The following DPP10 variants were observed in gnomAD, a reference collection of about 807,000 sequenced individuals.
DPP10 encodes inactive dipeptidyl peptidase 10.
A neutral mutation model predicts 120.9 loss-of-function variants in DPP10; 33 were observed. The ratio of observed to expected loss-of-function variants is 0.27; its 90% confidence interval spans 0.21 to 0.37. The LOEUF is 0.37. Among genes scored for constraint, DPP10 ranks in the 10% least tolerant of loss-of-function variants. DPP10 has a pLI of 1.00. For missense variants in DPP10, 816 were observed against 942.8 expected, an observed-to-expected ratio of 0.87 and a Z score of 1.76; for synonymous variants, 337 against 326.1, an observed-to-expected ratio of 1.03 and a Z score of -0.36.
intron 1 of DPP10, among the ~76,000 whole-genome samples, chr2:114,742,483 C>A (rs1250328857): frequency 6.6e-6 from 1 of 152,148 alleles, no homozygotes; most frequent in Non-Finnish European, 1.5e-5. Flanking sequence ...CAATTAATAG[C>A]TGCTTTTTTT....
At chr2:115,337,859 A>G in intron 2 of DPP10, among the ~76,000 whole-genome samples, 1 of 151,926 alleles carries the variant, frequency 6.6e-6, no homozygotes, top group East Asian at 1.9e-4. Flanking sequence ...GAAGAAGAAA[A>G]AAACAAAGAA....
chr2:115,006,848 C>A (rs1407976063), intron 1 of DPP10, among the ~76,000 whole-genome samples: 1 of 151,742 alleles, frequency 6.6e-6, no homozygotes, highest in Non-Finnish European at 1.5e-5. Flanking sequence ...GAATTGAACT[C>A]AGCTCTGCAC....
At chr2:115,798,691 C>T (rs1249007973) in intron 19 of DPP10, among the ~76,000 whole-genome samples, 1 of 152,052 alleles carries the variant, frequency 6.6e-6, no homozygotes, top group East Asian at 1.9e-4. Flanking sequence ...TGGGAAGAAA[C>T]TAATAATTAT....
At chr2:114,825,897 T>C (rs550434987) in intron 1 of DPP10, among the ~76,000 whole-genome samples, 1 of 152,310 alleles carries the variant, frequency 6.6e-6, no homozygotes, top group African/African-American at 2.4e-5. Context: ...AGATGATTAA[T>C]GGTGTAACGA....
intron 1 of DPP10, among the ~76,000 whole-genome samples, chr2:115,057,416 T>C (rs575676102): frequency 6.6e-5 from 10 of 152,324 alleles, no homozygotes; most frequent in African/African-American, 2.2e-4. Context: ...TTGTGTTTCT[T>C]GCTTTGTGAA....
intron 1 of DPP10, among the ~76,000 whole-genome samples, chr2:114,761,892 A>G (rs1050161633): frequency 6.6e-6 from 1 of 152,144 alleles, no homozygotes. Flanking sequence ...TTTTCATTTT[A>G]CCTAATGTAA....
intron 3 of DPP10, among the ~76,000 whole-genome samples, chr2:115,364,588 G>T (rs563353252): frequency 1.3e-5 from 2 of 148,492 alleles, no homozygotes; most frequent in East Asian, 2.0e-4. Context: ...ACATCAGTCA[G>T]TTCTTCTGTA....
At chr2:114,760,029 T>G (rs1680138123) in intron 1 of DPP10, among the ~76,000 whole-genome samples, 2 of 152,252 alleles carry the variant, frequency 1.3e-5, no homozygotes, top group African/African-American at 4.8e-5. Context: ...TCTCACCACC[T>G]GCACCATTAC....
intron 21 of DPP10, among the ~76,000 whole-genome samples, chr2:115,826,895 G>A (rs968992178): frequency 6.6e-6 from 1 of 152,086 alleles, no homozygotes; most frequent in Admixed American, 6.5e-5. Flanking sequence ...GCTGCAAAGA[G>A]TTGGGTCTTG....
At position 115,130,096 on chromosome 2, in the gene DPP10, C is replaced by A. The variant is rs532121165; in HGVS notation, c.61-179143C>A. Among the ~76,000 whole-genome samples, 9 of 152,310 alleles carry A rather than the reference C, an allele frequency of 5.9e-5. No homozygotes were observed. The East Asian group carries it at 1.7e-3, about 29-fold the overall frequency. On this transcript the variant is annotated intron_variant, in intron 1 of 25. Coordinates refer to ENST00000410059, the MANE Select transcript of DPP10 (RefSeq NM_020868.6). ...AATCAAAACCCTCCTATCCATATATCTCTACTATCACTCCAAAAATAAAAG... is the reference window on the plus strand; with the variant it reads ...AATCAAAACCCTCCTATCCATATATATCTACTATCACTCCAAAAATAAAAG...
At chr2:114,815,767 T>A (rs1255819601) in intron 1 of DPP10, among the ~76,000 whole-genome samples, 2 of 152,034 alleles carry the variant, frequency 1.3e-5, no homozygotes, top group Admixed American at 1.3e-4. Flanking sequence ...AACTGTCAAT[T>A]GGGAGTCAAA....
At chr2:115,507,380 A>G (rs2077003863) in intron 4 of DPP10, among the ~76,000 whole-genome samples, 1 of 152,212 alleles carries the variant, frequency 6.6e-6, no homozygotes, top group African/African-American at 2.4e-5. Flanking sequence ...ATAAATGAGT[A>G]ATTCATTGAA....
chr2:114,722,407 A>G (rs537213915), intron 1 of DPP10, among the ~76,000 whole-genome samples: 2 of 152,254 alleles, frequency 1.3e-5, no homozygotes, highest in South Asian at 4.1e-4. Context: ...TTTAAAGAGG[A>G]GTTCTAGAGA....
At position 115,384,372 on chromosome 2, in the gene DPP10, T is replaced by G. The variant is rs1402563371; in HGVS notation, c.271+40460T>G. On this transcript the variant is annotated intron_variant, in intron 3 of 25. Coordinates refer to ENST00000410059, the MANE Select transcript of DPP10 (RefSeq NM_020868.6). ...CTAGATAACAGAGCAAGATCCTGTC[T>G]CAGAAAAGCAGAAGCAGAAGCAGAA... 4.1e-5 allele frequency among the ~76,000 whole-genome samples: 6 copies of G among 145,924 alleles called. No homozygotes were observed. In the Admixed American group the frequency reaches 4.2e-4, roughly 10 times the overall value.
At chr2:115,794,946 A>G (rs1052060646) in intron 19 of DPP10, among the ~76,000 whole-genome samples, 6 of 152,136 alleles carry the variant, frequency 3.9e-5, no homozygotes, top group Non-Finnish European at 7.4e-5. Context: ...ATGGGGAGAT[A>G]ACAAGATTGC....
At chr2:115,322,412 G>T (rs2062105375) in intron 2 of DPP10, among the ~76,000 whole-genome samples, 1 of 152,014 alleles carries the variant, frequency 6.6e-6, no homozygotes, top group Admixed American at 6.6e-5. Context: ...GCTATGGTGG[G>T]GTGTGGAGGC....
chr2:115,479,510 A>G (rs761240005), intron 3 of DPP10, among the ~76,000 whole-genome samples: 7 of 152,134 alleles, frequency 4.6e-5, no homozygotes, highest in Non-Finnish European at 1.0e-4. Flanking sequence ...AACAATATGA[A>G]TGTACTTAAT....
intron 4 of DPP10, among the ~76,000 whole-genome samples, chr2:115,517,541 C>G (rs1335494874): frequency 6.6e-6 from 1 of 152,078 alleles, no homozygotes; most frequent in Non-Finnish European, 1.5e-5. Context: ...TGCATTTAAC[C>G]TGTAGTCCAG....
intron 5 of DPP10, among the ~76,000 whole-genome samples, chr2:115,578,352 A>G (rs766796565): frequency 5.9e-5 from 9 of 152,304 alleles, no homozygotes; most frequent in Non-Finnish European, 1.3e-4. Flanking sequence ...GGGAAAACAC[A>G]CAAACGTACA....
Sources: gnomAD v4.1 joint callset for allele counts (sites outside exome capture counted in the v4.1 genomes callset) on GRCh38, gnomAD v4.1.1 for gene constraint, MANE v1.5 for transcripts, NCBI Gene and HGNC (gene_info 2026-07-23, HGNC 2026-07-21) for gene names.